Variants in MROH1 observed in about 807,000 individuals in gnomAD.
MROH1 encodes the protein maestro heat-like repeat-containing protein family member 1.
MROH1 carries 117 observed loss-of-function variants against 116.5 expected under a neutral mutation model. The observed-to-expected ratio is 1.00, with a 90% confidence interval of 0.86 to 1.17. The LOEUF is 1.17. Among genes scored for constraint, MROH1 ranks in the 50% most tolerant of loss-of-function variants. MROH1 has a pLI of 0.00. For synonymous variants in MROH1, 921 were observed against 583.9 expected (o/e 1.58, Z -8.32); for missense variants, 1,873 against 1,338.5 (o/e 1.40, Z -6.23).
Position 144,238,849 on chromosome 8 carries a change from G to A in MROH1, c.1432G>A (p.Asp478Asn). The change falls in exon 15 of 44, where the codon GAC becomes AAC. Residue 478 changes from aspartate to asparagine, a missense_variant. Physicochemically the swap from Asp to Asn is conservative, Grantham distance 23. Coordinates refer to ENST00000326134, the MANE Select transcript of MROH1 (RefSeq NM_032450.3). ...CCTCTACCTGGTCAGCACCACCGTG[G>A]ACAGGATGAGTCACGTGAGTGCACG... Reference protein sequence around the residue: ...RTLYLVSTTVDRMSHVLWPYL... With the variant: ...RTLYLVSTTVNRMSHVLWPYL... 2.6e-6 allele frequency: 2 copies of A among 774,238 alleles called. No homozygotes were observed. The highest frequency in any genetic ancestry group is 1.7e-5 in the African/African-American group (1 of 59,264). The allele number at this position is 774,238 out of a possible 1,614,324, so 48.0% of individuals were successfully genotyped here. A position where few individuals can be genotyped will look rare whatever the true frequency, so the allele number is the denominator to read the frequency against.
At chr8:144,241,904 G>C (rs940125309) in intron 22 of MROH1, among the ~76,000 whole-genome samples, 15 of 152,338 alleles carry the variant, frequency 9.8e-5, no homozygotes, top group East Asian at 1.9e-4. Context: ...CCCCAACCCG[G>C]CTGTGGTCCC....
At chr8:144,254,773 C>T (rs1465445513) in intron 33 of MROH1, 40 bp from the exon 34 acceptor site, 6 of 746,008 alleles carry the variant, frequency 8.0e-6, no homozygotes, top group African/African-American at 3.4e-5. Flanking sequence ...GGCGCCCTGA[C>T]CAGCCACGGC....
chr8:144,211,899 T>C (rs1441116118), intron 12 of MROH1, among the ~76,000 whole-genome samples: 1 of 152,126 alleles, frequency 6.6e-6, no homozygotes, highest in South Asian at 2.1e-4. Context: ...GAAGCTCAGA[T>C]CGTCTCATCT....
chr8:144,257,445 C>T (rs1023216496), intron 35 of MROH1, among the ~76,000 whole-genome samples: 1 of 152,174 alleles, frequency 6.6e-6, no homozygotes, highest in Non-Finnish European at 1.5e-5. Context: ...CCGTGGCCCT[C>T]AGCTCCTACA....
chr8:144,205,470 A>G (rs969609607), intron 12 of MROH1, among the ~76,000 whole-genome samples: 2 of 151,618 alleles, frequency 1.3e-5, no homozygotes, highest in African/African-American at 2.4e-5. Flanking sequence ...TTCTGCCTAG[A>G]TGCCCAAAGG....
At chr8:144,257,778 C>T (rs1488735853) in intron 35 of MROH1, among the ~76,000 whole-genome samples, 4 of 152,248 alleles carry the variant, frequency 2.6e-5, no homozygotes, top group Non-Finnish European at 5.9e-5. Context: ...CCAGCGGTCA[C>T]CACACGGCCC....
intron 10 of MROH1, among the ~76,000 whole-genome samples, chr8:144,198,169 G>C (rs72695462): frequency 7.5e-4 from 115 of 152,338 alleles, no homozygotes; most frequent in Non-Finnish European, 1.5e-3. Context: ...AGGAACCCAG[G>C]TTGGGGTGTG....
intron 14 of MROH1, among the ~76,000 whole-genome samples, chr8:144,234,208 A>C (rs567427795): frequency 9.5e-4 from 145 of 152,076 alleles, no homozygotes; most frequent in Middle Eastern, 3.4e-3. Context: ...ACGGGGTTTC[A>C]CCGTGTTAGC....
chr8:144,220,475 T>C, intron 12 of MROH1, 125 bp from the exon 13 acceptor site: 1 of 724,282 alleles, frequency 1.4e-6, no homozygotes, highest in East Asian at 2.7e-5. Context: ...GTGGGTATGC[T>C]TTCCTTATGC....
intron 12 of MROH1, among the ~76,000 whole-genome samples, chr8:144,219,772 C>T (rs1836304072): frequency 6.6e-6 from 1 of 152,160 alleles, no homozygotes; most frequent in Admixed American, 6.6e-5. Flanking sequence ...TGCAGCTGGC[C>T]TCGAAACCGA....
At chr8:144,259,514 C>T (rs1020604908) in intron 37 of MROH1, among the ~76,000 whole-genome samples, 160 bp downstream of exon 37, 1 of 152,198 alleles carries the variant, frequency 6.6e-6, no homozygotes, top group African/African-American at 2.4e-5. Flanking sequence ...CCAGAACTCA[C>T]TCAGTCCCAC....
At chr8:144,173,156 T>C (rs1178121842) in intron 4 of MROH1, among the ~76,000 whole-genome samples, 1 of 148,558 alleles carries the variant, frequency 6.7e-6, no homozygotes, top group Non-Finnish European at 1.5e-5. Flanking sequence ...CAGGCTTGAG[T>C]GCAGTGGTGT....
intron 1 of MROH1, among the ~76,000 whole-genome samples, chr8:144,155,051 C>G (rs983956003): frequency 8.3e-4 from 126 of 152,186 alleles, no homozygotes; most frequent in Middle Eastern, 6.8e-3. Context: ...CTCCTGACCT[C>G]GTGATCCACC....
intron 1 of MROH1, among the ~76,000 whole-genome samples, chr8:144,159,060 T>A (rs1417776222): frequency 6.6e-6 from 1 of 152,122 alleles, no homozygotes. Flanking sequence ...GTTCACTTGT[T>A]CTAACAGAGA....
At chr8:144,165,039 G>T (rs1463659556) in intron 3 of MROH1, among the ~76,000 whole-genome samples, 1 of 151,348 alleles carries the variant, frequency 6.6e-6, no homozygotes, top group East Asian at 2.0e-4. Context: ...AGGCTAGAGT[G>T]CAGTGACCTC....
chr8:144,177,072 A>G (rs1268291103), intron 4 of MROH1, among the ~76,000 whole-genome samples: 2 of 152,170 alleles, frequency 1.3e-5, no homozygotes, highest in Non-Finnish European at 1.5e-5. Flanking sequence ...GTTCCACGTG[A>G]ACTTAGTGTT....
intron 10 of MROH1, among the ~76,000 whole-genome samples, chr8:144,197,207 A>G (rs1275762431): frequency 1.3e-5 from 2 of 152,078 alleles, no homozygotes; most frequent in African/African-American, 2.4e-5. Context: ...ACACCCATTC[A>G]TGCGGTCTGC....
Position 144,248,961 on chromosome 8 carries a change from T to A in MROH1, c.3205T>A (p.Cys1069Ser), listed in dbSNP as rs1842372385. 2 of 749,778 alleles carry A rather than the reference T, an allele frequency of 2.7e-6. No homozygotes were observed. The highest frequency in any genetic ancestry group is 3.7e-5 in the Admixed American group (2 of 54,270). The allele number at this position is 749,778 out of a possible 1,614,324, so 46.4% of individuals were successfully genotyped here. A position where few individuals can be genotyped will look rare whatever the true frequency, so the allele number is the denominator to read the frequency against. ...FEALGDPEKN[C>S]SRAATVMINC... ...GGCCCTGGGAGACCCCGAAAAGAAC[T>A]GCTCCCGAGCAGCTACCGTCATGAT... The change falls in exon 32 of 44, where the codon TGC becomes AGC. Residue 1069 changes from cysteine (C) to serine (S), a missense_variant. Coordinates refer to ENST00000326134, the MANE Select transcript of MROH1 (RefSeq NM_032450.3).
chr8:144,149,980 C>T (rs1244327471), intron 1 of MROH1, among the ~76,000 whole-genome samples: 1 of 152,046 alleles, frequency 6.6e-6, no homozygotes, highest in South Asian at 2.1e-4. Flanking sequence ...TTCCTTGGAC[C>T]TGACGCGTGG....
Sources: gnomAD v4.1 joint callset for allele counts (sites outside exome capture counted in the v4.1 genomes callset) on GRCh38, gnomAD v4.1.1 for gene constraint, MANE v1.5 for transcripts, NCBI Gene and HGNC (gene_info 2026-07-23, HGNC 2026-07-21) for gene names.